ICE1: variants seen among roughly 807,000 people sequenced by gnomAD.
ICE1 encodes little elongation complex subunit 1.
ICE1 carries 64 observed loss-of-function variants against 192.7 expected under a neutral mutation model. That is an observed-to-expected ratio of 0.33 (90% CI 0.27 to 0.41). ICE1 has a LOEUF of 0.41. ICE1 is among the 10% of genes least tolerant of loss of function. ICE1 has a pLI of 1.00. For missense variants in ICE1, 2,708 were observed against 2,696.0 expected (o/e 1.00, Z -0.10); for synonymous variants, 1,010 against 984.5 (o/e 1.03, Z -0.49).
At chr5:5,488,396 A>T (rs1321275426) in intron 18 of ICE1, among the ~76,000 whole-genome samples, 4 of 152,220 alleles carry the variant, frequency 2.6e-5, no homozygotes, top group Non-Finnish European at 5.9e-5. Context: ...CCCTAATCAG[A>T]AAATCAGAAT....
chr5:5,464,172 C>T lies in ICE1; in HGVS notation c.4838C>T (p.Pro1613Leu). The change falls in exon 13 of 19, where the codon CCT becomes CTT. Residue 1613 changes from proline (P) to leucine (L), a missense_variant. This residue lies in a region of ICE1 where 2,366 missense variants were observed against 2,276.6 expected (regional missense o/e 1.04). Coordinates refer to ENST00000296564, the MANE Select transcript of ICE1 (RefSeq NM_015325.3). The surrounding 1 kb of genome is among the most constrained non-coding windows in gnomAD (Gnocchi z 4.0). ...TILANADTST[P>L]TDCSPDTLSK... ...TTAGCAAATGCTGATACATCCACTC[C>T]TACAGATTGTTCTCCTGACACACTG... 4 of 1,613,702 alleles carry T rather than the reference C, an allele frequency of 2.5e-6. No homozygotes were observed. Among genetic ancestry groups the T allele is most frequent in the Middle Eastern group, 3.3e-4 (2 of 6,060 alleles).
intron 4 of ICE1, 73 bp from the exon 5 acceptor site, chr5:5,441,039 A>C: frequency 1.1e-6 from 1 of 929,106 alleles, no homozygotes; most frequent in Admixed American, 2.8e-5. Flanking sequence ...ATAAAATCTG[A>C]AATTATAAGC....
At chr5:5,467,925 A>G (rs936451793) in intron 14 of ICE1, among the ~76,000 whole-genome samples, 1 of 152,208 alleles carries the variant, frequency 6.6e-6, no homozygotes, top group Admixed American at 6.5e-5. Flanking sequence ...CGCAGCAGAA[A>G]CACAGAGTTA....
chr5:5,457,278 TAA>T, intron 11 of ICE1, 52 bp from the exon 12 acceptor site: 2 of 1,412,292 alleles, frequency 1.4e-6, no homozygotes, highest in East Asian at 2.4e-5. Context: ...TTTTTTTTTT[TAA>T]GTTTTCTTGA....
chr5:5,447,477 A>G lies in ICE1; in HGVS notation c.475A>G (p.Lys159Glu). The G allele has an allele frequency of 1.3e-6, 2 of 1,552,400 alleles. No individual in the cohort carries two copies. The highest frequency in any genetic ancestry group is 2.7e-5 in the African/African-American group (2 of 73,188). The part of the protein sequence containing the change: ...QDFKQLRNEK[K>E]ILEKEFKKTQ... ...CTTCAAGCAACTGAGAAATGAAAAG[A>G]AAATACTTGAAAAGGAATTTAAGAA... The change falls in exon 8 of 19, where the codon AAA (lysine) becomes GAA (glutamate). Residue 159 changes from lysine (K) to glutamate (E), a missense_variant. Transcript: ENST00000296564.
Position 5,464,149 on chromosome 5 carries a change from A to G in ICE1, c.4815A>G (p.Leu1605=), listed in dbSNP as rs199855762. ...AAAGAAGCCAAACTCAGACCATTTT[A>G]GCAAATGCTGATACATCCACTCCTA... ...KTQRSQTQTI[L]ANADTSTPTD... Residue 1605 remains leucine, a synonymous_variant, in exon 13 of 19, where the codon TTA becomes TTG. Coordinates refer to ENST00000296564, the MANE Select transcript of ICE1 (RefSeq NM_015325.3). The surrounding 1 kb of genome is among the most constrained non-coding windows in gnomAD (Gnocchi z 4.0). 1.9e-6 allele frequency: 3 copies of G among 1,613,720 alleles called. No homozygotes were observed. The highest frequency in any genetic ancestry group is 4.5e-5 in the East Asian group (2 of 44,854).
At chr5:5,450,324 T>C (rs1340211517) in intron 10 of ICE1, among the ~76,000 whole-genome samples, 1 of 152,114 alleles carries the variant, frequency 6.6e-6, no homozygotes, top group Admixed American at 6.5e-5. Context: ...GATGAACAAA[T>C]AAAAGATCAA....
intron 13 of ICE1, 55 bp downstream of exon 13, chr5:5,465,281 A>G (rs1278418990): frequency 7.7e-7 from 1 of 1,303,218 alleles, no homozygotes; most frequent in East Asian, 2.5e-5. Flanking sequence ...TCAAAGACAG[A>G]TGCTGTTTAC....
At chr5:5,445,878 C>T (rs764324961) in intron 7 of ICE1, among the ~76,000 whole-genome samples, 68 of 151,984 alleles carry the variant, frequency 4.5e-4, no homozygotes, top group Admixed American at 3.3e-3. Flanking sequence ...TGTGCCACCA[C>T]ACCTGGCTAA....
chr5:5,443,147 G>C, intron 5 of ICE1, 21 bp from the exon 6 acceptor site: 2 of 1,348,892 alleles, frequency 1.5e-6, no homozygotes, highest in South Asian at 1.4e-5. Flanking sequence ...GACAATATCT[G>C]TTTTTTTTCT....
chr5:5,465,846 G>A (rs1738968406), intron 13 of ICE1, among the ~76,000 whole-genome samples: 1 of 152,116 alleles, frequency 6.6e-6, no homozygotes, highest in African/African-American at 2.4e-5. Context: ...ACTTTGAAAG[G>A]AAGTGAATGC....
At chr5:5,470,877 A>G (rs1394153865) in intron 15 of ICE1, among the ~76,000 whole-genome samples, 2 of 152,236 alleles carry the variant, frequency 1.3e-5, no homozygotes, top group Non-Finnish European at 2.9e-5. Context: ...AGTCAATGAA[A>G]AGGTAAACTC....
rs1737846534 is a variant in ICE1, at chr5:5,435,657, G to GTTTTTTTTTTTGTTTGTTTGTTTTTTT, written c.85-750_85-749insGTTTGTTTGTTTTTTTTTTTTTTTTTT. On this transcript the variant is annotated intron_variant, in intron 1 of 18. Coordinates refer to ENST00000296564, the MANE Select transcript of ICE1 (RefSeq NM_015325.3). ...AGCGGTAATTTAGAGCCAAATTTGT[G>GTTTTTTTTTTTGTTTGTTTGTTTTTTT]TTTTTTTTTTTTTTTGTTTTGTTTT... Among the ~76,000 whole-genome samples the GTTTTTTTTTTTGTTTGTTTGTTTTTTT allele has an allele frequency of 1.7e-5, 2 of 114,296 alleles. 1 individual carries two copies. The highest frequency in any genetic ancestry group is 3.7e-5 in the Non-Finnish European group (2 of 54,274). The allele number at this position is 114,296 out of a possible 152,430, so 75.0% of individuals were successfully genotyped here. A position where few individuals can be genotyped will look rare whatever the true frequency, so the allele number is the denominator to read the frequency against.
chr5:5,486,794 G>T lies in ICE1; in HGVS notation c.6594G>T (p.Met2198Ile), dbSNP rs374114624. 82 of 1,598,008 alleles carry T rather than the reference G, an allele frequency of 5.1e-5. 1 individual carries two copies. The African/African-American group carries it at 9.8e-4, about 19-fold the overall frequency. ...AAAATATTAGTTCGGTTATTGGTAT[G>T]TTTATACAGCATGCTCACGATGAAG... ...AVKNISSVIG[M>I]FIQHAHDEDI... The change falls in exon 18 of 19, where the codon ATG becomes ATT. Residue 2198 changes from methionine (M) to isoleucine (I), a missense_variant. Met to Ile is a conservative substitution (Grantham distance 10). Around this residue, in one of 2 missense-constraint regions of ICE1, gnomAD observed 342 missense variants for 419.3 expected, o/e 0.82. Coordinates refer to ENST00000296564, the MANE Select transcript of ICE1 (RefSeq NM_015325.3).
At chr5:5,475,463 CAA>C (rs575152375) in intron 16 of ICE1, among the ~76,000 whole-genome samples, 99 of 152,288 alleles carry the variant, frequency 6.5e-4, no homozygotes, top group East Asian at 6.2e-3. Context: ...AAACAGATGA[CAA>C]AGAGGAATTG....
At chr5:5,429,296 T>C (rs1737627390) in intron 1 of ICE1, among the ~76,000 whole-genome samples, 1 of 152,144 alleles carries the variant, frequency 6.6e-6, no homozygotes, top group South Asian at 2.1e-4. Flanking sequence ...AAACCATACA[T>C]GATGAGCCAT....
At chr5:5,459,083 C>T (rs139408917) in intron 12 of ICE1, among the ~76,000 whole-genome samples, 2,067 of 152,196 alleles carry the variant, frequency 0.014, 19 homozygotes, top group Admixed American at 0.025. Flanking sequence ...CCGTGTTAGC[C>T]AGGATGGTCT....
intron 4 of ICE1, 37 bp downstream of exon 4, chr5:5,439,950 A>G (rs1482800170): frequency 1.4e-6 from 2 of 1,452,726 alleles, no homozygotes; most frequent in Admixed American, 2.3e-5. Flanking sequence ...GATACCACCT[A>G]TATGAGTAGT....
chr5:5,469,466 G>C (rs1017150027), intron 15 of ICE1, among the ~76,000 whole-genome samples: 1 of 152,048 alleles, frequency 6.6e-6, no homozygotes, highest in African/African-American at 2.4e-5. Context: ...TTATTGATAT[G>C]TTAAAGTAAG....
Sources: allele counts gnomAD v4.1 joint callset (sites outside exome capture counted in the v4.1 genomes callset), GRCh38; gene constraint gnomAD v4.1.1; regional missense constraint gnomAD v4.1.1; non-coding constraint Gnocchi (gnomAD v3.1); transcripts MANE v1.5; gene names NCBI Gene and HGNC (gene_info 2026-07-23, HGNC 2026-07-21).